EBF1: variants seen among roughly 807,000 people sequenced by gnomAD.
EBF1 encodes the protein transcription factor COE1.
A neutral mutation model predicts 68.4 loss-of-function variants in EBF1; 10 were observed. The observed-to-expected ratio is 0.15, with a 90% confidence interval of 0.09 to 0.25. The LOEUF (loss-of-function observed/expected upper bound fraction) is 0.25, where lower values mean the gene tolerates loss of function less well. Among genes scored for constraint, EBF1 ranks in the 10% least tolerant of loss-of-function variants. The probability of loss-of-function intolerance (pLI) is 1.00; values close to 1 mark genes in which losing one functional copy is unlikely to be tolerated. For missense variants in EBF1, 509 were observed against 794.4 expected (o/e 0.64, Z 4.32); for synonymous variants, 298 against 299.8 (o/e 0.99, Z 0.06).
At chr5:159,008,508 C>A (rs1583892290) in intron 6 of EBF1, among the ~76,000 whole-genome samples, 1 of 148,652 alleles carries the variant, frequency 6.7e-6, no homozygotes, top group Admixed American at 6.7e-5. Flanking sequence ...TAAACGTTTT[C>A]TTTTCTTTTT....
chr5:158,917,014 G>C (rs1006770932), intron 6 of EBF1, among the ~76,000 whole-genome samples: 2 of 152,122 alleles, frequency 1.3e-5, no homozygotes, highest in African/African-American at 4.8e-5. Flanking sequence ...AATATACCAA[G>C]GACAGGGTAA....
intron 10 of EBF1, among the ~76,000 whole-genome samples, chr5:158,747,303 T>G (rs1767798929): frequency 1.3e-5 from 2 of 152,222 alleles, no homozygotes; most frequent in Admixed American, 1.3e-4. Context: ...CATTTCACTT[T>G]TGCAAACTTA....
At position 158,698,951 on chromosome 5, in the gene EBF1, A is replaced by G. The variant is rs1756195171; in HGVS notation, c.*160T>C. On this transcript the variant is annotated 3_prime_UTR_variant, in exon 16 of 16. Coordinates refer to ENST00000313708, the MANE Select transcript of EBF1 (RefSeq NM_024007.5). ...TGCAGATCCCTCTTCCAATTTCAGTATTTGCAAGGTCGGTGATTTTGTTTG... is the reference window on the plus strand; with the variant it reads ...TGCAGATCCCTCTTCCAATTTCAGTGTTTGCAAGGTCGGTGATTTTGTTTG... 5.3e-6 allele frequency: 3 copies of G among 561,008 alleles called. No individual in the cohort carries two copies. The African/African-American group carries it at 5.9e-5, about 11-fold the overall frequency. 34.8% of individuals were successfully genotyped at this position (561,008 alleles called of 1,614,324 possible). A position where few individuals can be genotyped will look rare whatever the true frequency, so the allele number is the denominator to read the frequency against.
intron 10 of EBF1, 133 bp from the exon 11 acceptor site, chr5:158,731,290 G>C (rs773026096): frequency 6.1e-4 from 522 of 860,254 alleles, no homozygotes; most frequent in Non-Finnish European, 8.4e-4. Context: ...TCACAAGATG[G>C]TTGTGTGAAT....
intron 6 of EBF1, among the ~76,000 whole-genome samples, chr5:158,989,829 T>C (rs1191240357): frequency 1.3e-5 from 2 of 152,128 alleles, no homozygotes; most frequent in African/African-American, 4.8e-5. Flanking sequence ...TTCCAGACAA[T>C]ATCCGTTGAC....
At chr5:159,008,141 T>C (rs555296596) in intron 6 of EBF1, among the ~76,000 whole-genome samples, 2 of 152,186 alleles carry the variant, frequency 1.3e-5, no homozygotes, top group African/African-American at 4.8e-5. Flanking sequence ...ATTATTTCTA[T>C]TGAAACAAGT....
chr5:158,763,130 A>G (rs1318330346), intron 10 of EBF1, among the ~76,000 whole-genome samples: 1 of 152,176 alleles, frequency 6.6e-6, no homozygotes, highest in East Asian at 1.9e-4. Context: ...GAATAAAGGC[A>G]TTTACATCTT....
intron 6 of EBF1, among the ~76,000 whole-genome samples, chr5:158,898,921 C>A (rs1409867380): frequency 6.6e-6 from 1 of 152,170 alleles, no homozygotes; most frequent in Non-Finnish European, 1.5e-5. Context: ...CCTACAGTGA[C>A]AACACAACCT....
At chr5:158,860,230 C>T (rs1421622207) in intron 6 of EBF1, among the ~76,000 whole-genome samples, 1 of 152,178 alleles carries the variant, frequency 6.6e-6, no homozygotes, top group Non-Finnish European at 1.5e-5. Flanking sequence ...ATTGAATGCT[C>T]ACAACAACCC....
intron 10 of EBF1, among the ~76,000 whole-genome samples, chr5:158,733,779 A>G (rs1764607806): frequency 6.6e-6 from 1 of 152,186 alleles, no homozygotes; most frequent in Admixed American, 6.5e-5. Context: ...GAATATTACA[A>G]TGGAATCGTC....
chr5:158,894,647 T>C (rs1369001583), intron 6 of EBF1, among the ~76,000 whole-genome samples: 1 of 152,154 alleles, frequency 6.6e-6, no homozygotes, highest in Non-Finnish European at 1.5e-5. Flanking sequence ...TCTTTCAACA[T>C]CACAGAGAAG....
chr5:159,059,099 C>T (rs1294118060), intron 6 of EBF1, among the ~76,000 whole-genome samples: 2 of 152,104 alleles, frequency 1.3e-5, no homozygotes, highest in Admixed American at 6.5e-5. Context: ...AACGGGTGTC[C>T]GTAGATACAA....
chr5:159,049,821 C>T (rs1275401294), intron 6 of EBF1, among the ~76,000 whole-genome samples: 1 of 152,182 alleles, frequency 6.6e-6, no homozygotes, highest in African/African-American at 2.4e-5. Flanking sequence ...CATATCACAT[C>T]GTGTTCTTGG....
intron 6 of EBF1, among the ~76,000 whole-genome samples, chr5:158,853,617 G>T (rs1050681991): frequency 6.6e-6 from 1 of 152,132 alleles, no homozygotes; most frequent in African/African-American, 2.4e-5. Context: ...GAAAGATAAG[G>T]AGAAGTGGAG....
chr5:158,788,225 A>G (rs548383852), intron 9 of EBF1, among the ~76,000 whole-genome samples: 1 of 152,310 alleles, frequency 6.6e-6, no homozygotes, highest in African/African-American at 2.4e-5. Flanking sequence ...GGTAGAAATA[A>G]GGCAACATAA....
chr5:159,040,735 C>A (rs1314241890), intron 6 of EBF1, among the ~76,000 whole-genome samples: 2 of 152,210 alleles, frequency 1.3e-5, no homozygotes, highest in Non-Finnish European at 2.9e-5. Flanking sequence ...TATTTTAACA[C>A]CTTACAGGTT....
chr5:158,969,912 GAAAGAAAAAA>G (rs1414349190), intron 6 of EBF1, among the ~76,000 whole-genome samples: 27 of 92,354 alleles, frequency 2.9e-4, no homozygotes, highest in Non-Finnish European at 4.5e-4. Context: ...AAGAAAGAAA[GAAAGAAAAAA>G]AAAAAAAAGG....
At chr5:158,992,224 G>GAAA (rs35596220) in intron 6 of EBF1, among the ~76,000 whole-genome samples, 4 of 139,340 alleles carry the variant, frequency 2.9e-5, no homozygotes, top group Admixed American at 7.2e-5. Flanking sequence ...CCTTGTAAGG[G>GAAA]AAAAAAAAAA....
At chr5:158,789,306 A>G (rs972985422) in intron 9 of EBF1, among the ~76,000 whole-genome samples, 1 of 152,204 alleles carries the variant, frequency 6.6e-6, no homozygotes, top group Non-Finnish European at 1.5e-5. Context: ...TGTAAAATAA[A>G]TGGACACAAC....
Sources: gnomAD v4.1 joint callset for allele counts (sites outside exome capture counted in the v4.1 genomes callset) on GRCh38, gnomAD v4.1.1 for gene constraint, MANE v1.5 for transcripts, NCBI Gene and HGNC (gene_info 2026-07-23, HGNC 2026-07-21) for gene names.